The following NCOA1 variants were observed in gnomAD, a reference collection of about 807,000 sequenced individuals.
The protein encoded by NCOA1 is nuclear receptor coactivator 1.
Under a neutral mutation model 150.9 loss-of-function variants are expected in NCOA1, and 35 were observed. That is an observed-to-expected ratio of 0.23 (90% CI 0.18 to 0.31). The LOEUF is 0.31. Among genes scored for constraint, NCOA1 ranks in the 10% least tolerant of loss-of-function variants. The pLI, the probability that NCOA1 is intolerant of heterozygous loss-of-function variation, is 1.00. For synonymous variants in NCOA1, 590 were observed against 630.0 expected (o/e 0.94, Z 0.95); for missense variants, 1,491 against 1,749.3 (o/e 0.85, Z 2.63).
intron 1 of NCOA1, among the ~76,000 whole-genome samples, chr2:24,492,788 T>A (rs1204816142): frequency 6.6e-6 from 1 of 152,196 alleles, no homozygotes; most frequent in Non-Finnish European, 1.5e-5. Flanking sequence ...GAGGAATCTC[T>A]GTGGCGATGA....
intron 1 of NCOA1, among the ~76,000 whole-genome samples, chr2:24,505,994 ATGCT>A (rs1663677412): frequency 6.6e-6 from 1 of 151,808 alleles, no homozygotes; most frequent in Non-Finnish European, 1.5e-5. Context: ...TCACTCTCAC[ATGCT>A]TGAATGAGTG....
intron 14 of NCOA1, among the ~76,000 whole-genome samples, chr2:24,721,103 A>G (rs4665716): frequency 0.082 from 12,543 of 152,218 alleles, 574 homozygotes; most frequent in African/African-American, 0.12. Flanking sequence ...TCTGAGCTCA[A>G]CTTTCCAGAT....
chr2:24,721,344 T>G (rs373934321), intron 14 of NCOA1, among the ~76,000 whole-genome samples: 1 of 152,352 alleles, frequency 6.6e-6, no homozygotes, highest in East Asian at 1.9e-4. Flanking sequence ...TCATTAAAGT[T>G]GCTTTCTTTC....
chr2:24,495,632 T>C (rs1276501573), intron 1 of NCOA1, among the ~76,000 whole-genome samples: 1 of 152,210 alleles, frequency 6.6e-6, no homozygotes, highest in Non-Finnish European at 1.5e-5. Flanking sequence ...AGAATTCTAA[T>C]TGTACTGGAT....
chr2:24,566,652 C>G (rs2148268249), intron 2 of NCOA1, among the ~76,000 whole-genome samples: 1 of 152,316 alleles, frequency 6.6e-6, no homozygotes, highest in East Asian at 1.9e-4. Flanking sequence ...GGGACCTGCC[C>G]CTTTCTGCCC....
At chr2:24,618,737 G>A (rs1240343648) in intron 3 of NCOA1, among the ~76,000 whole-genome samples, 1 of 151,638 alleles carries the variant, frequency 6.6e-6, no homozygotes, top group African/African-American at 2.4e-5. Flanking sequence ...TCAATAAACA[G>A]TTCATTGGTT....
chr2:24,497,493 G>A (rs546788526), intron 1 of NCOA1, among the ~76,000 whole-genome samples: 57 of 152,194 alleles, frequency 3.7e-4, no homozygotes, highest in African/African-American at 1.3e-3. Flanking sequence ...CCAATATGGT[G>A]ACACCCTGTC....
chr2:24,514,330 GA>G (rs1191894891), intron 1 of NCOA1, among the ~76,000 whole-genome samples: 2 of 125,764 alleles, frequency 1.6e-5, no homozygotes, highest in African/African-American at 5.8e-5. Flanking sequence ...AAGAAAAAAA[GA>G]AAAATAGCAA....
At position 24,539,955 on chromosome 2, in the gene NCOA1, G is replaced by C. The variant is rs569699832; in HGVS notation, c.-395-24340G>C. On this transcript the variant is annotated intron_variant, in intron 1 of 22. Coordinates refer to ENST00000348332, the MANE Select transcript of NCOA1 (RefSeq NM_003743.5). ...TTCCATGTGAGAACTGCATGTAGGAGCCCTGAGTCTATGAGAGTAGGAAGC... is the reference window on the plus strand; with the variant it reads ...TTCCATGTGAGAACTGCATGTAGGACCCCTGAGTCTATGAGAGTAGGAAGC... Among the ~76,000 whole-genome samples, 13 of 152,312 alleles carry C rather than the reference G, an allele frequency of 8.5e-5. No individual in the cohort carries two copies. In the South Asian group the frequency reaches 2.7e-3, roughly 32 times the overall value.
chr2:24,635,564 A>G (rs1304350270), intron 3 of NCOA1, among the ~76,000 whole-genome samples: 1 of 152,222 alleles, frequency 6.6e-6, no homozygotes, highest in Non-Finnish European at 1.5e-5. Context: ...AAGTACACAA[A>G]TGATTTTTGG....
intron 9 of NCOA1, among the ~76,000 whole-genome samples, chr2:24,692,031 G>A (rs1480887275): frequency 6.6e-6 from 1 of 152,224 alleles, no homozygotes; most frequent in Non-Finnish European, 1.5e-5. Context: ...AGTTTAGAGT[G>A]TAGGGAACAT....
chr2:24,607,949 A>G (rs1248901387), intron 3 of NCOA1, among the ~76,000 whole-genome samples: 2 of 152,072 alleles, frequency 1.3e-5, no homozygotes, highest in African/African-American at 4.8e-5. Flanking sequence ...CATACAATAC[A>G]CTTTTAAGGC....
intron 3 of NCOA1, among the ~76,000 whole-genome samples, chr2:24,622,993 A>G (rs1669242025): frequency 6.6e-6 from 1 of 152,190 alleles, no homozygotes; most frequent in South Asian, 2.1e-4. Flanking sequence ...GTTCATGTGT[A>G]TATATATTCA....
At chr2:24,512,473 C>T (rs367881256) in intron 1 of NCOA1, among the ~76,000 whole-genome samples, 3 of 152,154 alleles carry the variant, frequency 2.0e-5, no homozygotes, top group African/African-American at 7.2e-5. Flanking sequence ...CAATTCAGTT[C>T]AGTTTTTAAA....
intron 1 of NCOA1, among the ~76,000 whole-genome samples, chr2:24,520,415 T>G (rs1275365251): frequency 6.6e-6 from 1 of 152,190 alleles, no homozygotes; most frequent in Non-Finnish European, 1.5e-5. Context: ...TACTCATCAA[T>G]AAAAATGAAA....
In NCOA1 at chr2:24,576,149, G is replaced by GTTTTTTTTTTTTTTTTTTTTTTTTTTTTT. The variant is rs1183405187; in HGVS notation, c.-259-8314_-259-8313insTTTTTTTTTTTTTTTTTTTTTTTTTTTTT. ...GAGTTTCAGAAATTATTTGGCCTTT[G>GTTTTTTTTTTTTTTTTTTTTTTTTTTTTT]TTTTTTTTTTTTTGTTTTTTGTTTT... On this transcript the variant is annotated intron_variant, in intron 2 of 22. Transcript: ENST00000348332. 1.4e-4 allele frequency among the ~76,000 whole-genome samples: 13 copies of GTTTTTTTTTTTTTTTTTTTTTTTTTTTTT among 94,006 alleles called. 1 individual carries two copies. The highest frequency in any genetic ancestry group is 3.2e-4 in the South Asian group (1 of 3,102). 61.7% of individuals were successfully genotyped at this position (94,006 alleles called of 152,430 possible). A position where few individuals can be genotyped will look rare whatever the true frequency, so the allele number is the denominator to read the frequency against.
intron 2 of NCOA1, among the ~76,000 whole-genome samples, chr2:24,572,460 G>T (rs767494551): frequency 6.6e-6 from 1 of 152,114 alleles, no homozygotes; most frequent in East Asian, 1.9e-4. Flanking sequence ...TGCAAAGGAC[G>T]TTATGACATA....
intron 1 of NCOA1, among the ~76,000 whole-genome samples, chr2:24,512,305 C>A (rs1663968309): frequency 6.6e-6 from 1 of 152,128 alleles, no homozygotes; most frequent in Admixed American, 6.5e-5. Context: ...TCAGAAGGAA[C>A]AGGGGTTTAG....
intron 5 of NCOA1, among the ~76,000 whole-genome samples, chr2:24,659,910 A>G (rs181712765): frequency 1.3e-5 from 2 of 152,126 alleles, no homozygotes; most frequent in African/African-American, 4.8e-5. Flanking sequence ...CCTCTAGTTG[A>G]TAATCACTGA....
Sources: gnomAD v4.1 joint callset for allele counts (sites outside exome capture counted in the v4.1 genomes callset) on GRCh38, gnomAD v4.1.1 for gene constraint, MANE v1.5 for transcripts, NCBI Gene and HGNC (gene_info 2026-07-23, HGNC 2026-07-21) for gene names.